WDR70: variants seen among roughly 807,000 people sequenced by gnomAD.
WDR70 encodes WD repeat-containing protein 70.
A neutral mutation model predicts 88.6 loss-of-function variants in WDR70; 53 were observed. The observed-to-expected ratio is 0.60, with a 90% confidence interval of 0.48 to 0.75. WDR70 has a LOEUF of 0.75. Ranked by LOEUF, WDR70 falls within the 30% of genes least tolerant of loss-of-function variation. WDR70 has a pLI of 0.00. For missense variants in WDR70, 610 were observed against 823.2 expected, an observed-to-expected ratio of 0.74 and a Z score of 3.17; for synonymous variants, 280 against 270.0, an observed-to-expected ratio of 1.04 and a Z score of -0.36.
intron 7 of WDR70, among the ~76,000 whole-genome samples, chr5:37,445,089 A>G (rs1280691059): frequency 6.6e-6 from 1 of 151,984 alleles, no homozygotes. Flanking sequence ...TTGTTTCTTT[A>G]TCTCCTCTCC....
At chr5:37,554,269 T>C (rs1192313318) in intron 9 of WDR70, among the ~76,000 whole-genome samples, 1 of 152,174 alleles carries the variant, frequency 6.6e-6, no homozygotes, top group Non-Finnish European at 1.5e-5. Flanking sequence ...CTTTATAGGC[T>C]GATGTAATCT....
intron 17 of WDR70, among the ~76,000 whole-genome samples, chr5:37,742,713 T>A (rs550795307): frequency 6.6e-6 from 1 of 152,336 alleles, no homozygotes; most frequent in African/African-American, 2.4e-5. Flanking sequence ...TATGGTTAGG[T>A]CTTTGATCCA....
At chr5:37,651,951 CTTTAG>C (rs1173933375) in intron 10 of WDR70, among the ~76,000 whole-genome samples, 1 of 152,126 alleles carries the variant, frequency 6.6e-6, no homozygotes, top group Non-Finnish European at 1.5e-5. Flanking sequence ...TGCAGAAGCT[CTTTAG>C]TTTAATTAAA....
rs142868752 is a variant in WDR70 at position 37,695,599 on chromosome 5, G to A, written c.1093-2056G>A. 5.9e-3 allele frequency among the ~76,000 whole-genome samples: 892 copies of A among 152,196 alleles called. 37 individuals are homozygous for A. Among genetic ancestry groups the A allele is most frequent in the Admixed American group, 0.052 (800 of 15,276 alleles). Reference sequence around the variant, plus strand: ...CAGATCCCTGTTTCCTTGACATGTGGCCCCCTTCATCTTTAAGTCGATAGT... The same window carrying A: ...CAGATCCCTGTTTCCTTGACATGTGACCCCCTTCATCTTTAAGTCGATAGT... On this transcript the variant is annotated intron_variant, in intron 10 of 17. Coordinates refer to ENST00000265107, the MANE Select transcript of WDR70 (RefSeq NM_018034.4).
chr5:37,558,096 G>T (rs1742368053), intron 9 of WDR70, among the ~76,000 whole-genome samples: 1 of 151,618 alleles, frequency 6.6e-6, no homozygotes, highest in South Asian at 2.1e-4. Context: ...TGGCTATTCA[G>T]GTTTCAGTAG....
At chr5:37,599,242 C>T (rs978589981) in intron 9 of WDR70, among the ~76,000 whole-genome samples, 1 of 152,098 alleles carries the variant, frequency 6.6e-6, no homozygotes, top group Non-Finnish European at 1.5e-5. Context: ...ATATAAAACC[C>T]AGAGTAATGT....
chr5:37,514,447 T>C (rs372341766), intron 8 of WDR70, among the ~76,000 whole-genome samples: 2 of 148,726 alleles, frequency 1.3e-5, no homozygotes, highest in South Asian at 2.2e-4. Context: ...GTTATATAGG[T>C]AAATGTGTGT....
chr5:37,672,206 C>T (rs1304743828), intron 10 of WDR70, among the ~76,000 whole-genome samples: 2 of 152,110 alleles, frequency 1.3e-5, no homozygotes, highest in African/African-American at 4.8e-5. Flanking sequence ...GGGACCTCTG[C>T]CCAAGAAAGC....
chr5:37,411,401 C>T (rs1480769032), intron 5 of WDR70, among the ~76,000 whole-genome samples: 1 of 152,158 alleles, frequency 6.6e-6, no homozygotes, highest in Non-Finnish European at 1.5e-5. Context: ...GTTCCTTGTG[C>T]CCCTCCTAGT....
intron 5 of WDR70, 60 bp from the exon 6 acceptor site, chr5:37,437,862 G>A (rs1453396987): frequency 6.7e-6 from 10 of 1,495,666 alleles, no homozygotes; most frequent in Non-Finnish European, 9.2e-6. Flanking sequence ...GAAATGTGTT[G>A]TGTAGTTCCC....
chr5:37,438,242 GA>G (rs1750539479), intron 6 of WDR70, among the ~76,000 whole-genome samples: 2 of 152,042 alleles, frequency 1.3e-5, no homozygotes, highest in Admixed American at 1.3e-4. Flanking sequence ...ATTATAAGTG[GA>G]AGAAAGAAAT....
chr5:37,521,727 CA>C (rs1340805626), intron 9 of WDR70, among the ~76,000 whole-genome samples: 13 of 151,988 alleles, frequency 8.6e-5, no homozygotes, highest in African/African-American at 1.5e-4. Flanking sequence ...CACACACACA[CA>C]CACACACACA....
intron 9 of WDR70, among the ~76,000 whole-genome samples, chr5:37,569,008 C>CCAAG (rs1400494994): frequency 1.3e-5 from 2 of 152,142 alleles, no homozygotes; most frequent in African/African-American, 4.8e-5. Context: ...GTCACCCCAT[C>CCAAG]CAAGAGCTAG....
chr5:37,466,885 G>T (rs1436734850), intron 7 of WDR70, among the ~76,000 whole-genome samples: 1 of 151,928 alleles, frequency 6.6e-6, no homozygotes, highest in African/African-American at 2.4e-5. Context: ...TTATAGGATG[G>T]TATCTTAGTC....
intron 9 of WDR70, among the ~76,000 whole-genome samples, chr5:37,585,006 T>TC (rs1341019991): frequency 3.8e-4 from 56 of 149,102 alleles, no homozygotes; most frequent in African/African-American, 1.4e-3. Flanking sequence ...ACTTTTTTTT[T>TC]TGGAGATGGA....
intron 7 of WDR70, among the ~76,000 whole-genome samples, chr5:37,457,209 C>A (rs768963064): frequency 3.3e-5 from 5 of 152,156 alleles, no homozygotes; most frequent in Non-Finnish European, 5.9e-5. Flanking sequence ...AATTCTCATG[C>A]CTCAACCTCC....
rs746645092 is a variant in WDR70 at position 37,396,519 on chromosome 5, TGAA to T, written c.455_457del (p.Glu152del). On this transcript the variant is annotated inframe_deletion, in exon 5 of 18. Coordinates refer to ENST00000265107, the MANE Select transcript of WDR70 (RefSeq NM_018034.4). ...TCGGTCCTTTACCTCCACCTCTTAATGAAGAAGAAGAAGAAGCAGAGGAAGAAG... is the reference window on the plus strand; with the variant it reads ...TCGGTCCTTTACCTCCACCTCTTAATGAAGAAGAAGAAGCAGAGGAAGAAG... 52 of 1,612,132 alleles carry T rather than the reference TGAA, an allele frequency of 3.2e-5. No homozygotes were observed. The highest frequency in any genetic ancestry group is 1.2e-4 in the South Asian group (11 of 90,834).
intron 9 of WDR70, among the ~76,000 whole-genome samples, chr5:37,554,637 G>GAC (rs373842695): frequency 3.2e-4 from 47 of 148,682 alleles, no homozygotes; most frequent in Admixed American, 7.4e-4. Context: ...TAGGCTAACA[G>GAC]ACACACACAC....
chr5:37,705,685 C>G (rs1747302449), intron 13 of WDR70, among the ~76,000 whole-genome samples: 1 of 151,928 alleles, frequency 6.6e-6, no homozygotes, highest in Non-Finnish European at 1.5e-5. Context: ...AAGGTGGACA[C>G]TTTGCTAGAA....
Sources: allele counts gnomAD v4.1 joint callset (sites outside exome capture counted in the v4.1 genomes callset), GRCh38; gene constraint gnomAD v4.1.1; transcripts MANE v1.5; gene names NCBI Gene and HGNC (gene_info 2026-07-23, HGNC 2026-07-21).